The following COL26A1 variants were observed in gnomAD, a reference collection of about 807,000 sequenced individuals.
COL26A1 encodes the protein collagen alpha-1(XXVI) chain.
Under a neutral mutation model 59.3 loss-of-function variants are expected in COL26A1, and 41 were observed. The observed-to-expected ratio is 0.69, with a 90% confidence interval of 0.54 to 0.90. The LOEUF (loss-of-function observed/expected upper bound fraction) is 0.90. COL26A1 is among the 40% of genes least tolerant of loss of function. The pLI, the probability that COL26A1 is intolerant of heterozygous loss-of-function variation, is 0.00. For missense variants in COL26A1, 612 were observed against 602.3 expected, an observed-to-expected ratio of 1.02 and a Z score of -0.17; for synonymous variants, 266 against 256.0, an observed-to-expected ratio of 1.04 and a Z score of -0.37.
chr7:101,536,472 G>A (rs1795485585), intron 4 of COL26A1, among the ~76,000 whole-genome samples: 1 of 152,244 alleles, frequency 6.6e-6, no homozygotes, highest in South Asian at 2.1e-4. Context: ...CACGGAGCTG[G>A]GTTTTCAGCT....
At chr7:101,463,901 C>CTTTCTTTCTTTCTTTCT (rs1156868835) in intron 3 of COL26A1, among the ~76,000 whole-genome samples, 37 of 34,208 alleles carry the variant, frequency 1.1e-3, no homozygotes, top group African/African-American at 4.4e-3. Context: ...TTCTTTCTTT[C>CTTTCTTTCTTTCTTTCT]TTTTTCTTTC....
Position 101,382,180 on chromosome 7 carries a change from C to G in COL26A1, c.158+18990C>G, listed in dbSNP as rs992747981. Among the ~76,000 whole-genome samples, 4 of 152,192 alleles carry G rather than the reference C, an allele frequency of 2.6e-5. No homozygotes were observed. The East Asian group carries it at 7.7e-4, about 29-fold the overall frequency. ...CCTCCTGCCTCAGCCTCTTGAGTGG[C>G]TGGGACTGCAGGTGCATGCTACCAT... On this transcript the variant is annotated intron_variant, in intron 1 of 12. Transcript: ENST00000313669.
At chr7:101,409,483 G>C (rs1792196276) in intron 1 of COL26A1, among the ~76,000 whole-genome samples, 1 of 152,214 alleles carries the variant, frequency 6.6e-6, no homozygotes, top group African/African-American at 2.4e-5. Context: ...CCGAACAGAA[G>C]AATGTACATG....
intron 9 of COL26A1, among the ~76,000 whole-genome samples, chr7:101,550,681 G>C (rs2130679370): frequency 6.6e-6 from 1 of 152,142 alleles, no homozygotes; most frequent in African/African-American, 2.4e-5. Context: ...AGGGGGAGTG[G>C]GCACCTCATG....
chr7:101,471,571 G>GTTTTT (rs71517177), intron 3 of COL26A1, among the ~76,000 whole-genome samples: 5 of 93,014 alleles, frequency 5.4e-5, no homozygotes, highest in East Asian at 2.7e-4. Context: ...GTTGTTGTTT[G>GTTTTT]TTTTTTTTTT....
In COL26A1 at chr7:101,363,386, G is replaced by T. The variant is rs961549125; in HGVS notation, c.158+196G>T. ...CGAGAGCTGGAGGGGGTTGGGGTGC[G>T]GGGCGATTCGGGCCTGGGGGCGCGG... On this transcript the variant is annotated intron_variant, in intron 1 of 12. Coordinates refer to ENST00000313669, the MANE Select transcript of COL26A1 (RefSeq NM_001278563.3). 3.3e-4 allele frequency among the ~76,000 whole-genome samples: 49 copies of T among 148,016 alleles called. 1 individual carries two copies. Among genetic ancestry groups the T allele is most frequent in the African/African-American group, 1.2e-3 (47 of 40,026 alleles).
chr7:101,457,333 A>G (rs1404473640), intron 3 of COL26A1, among the ~76,000 whole-genome samples: 2 of 151,996 alleles, frequency 1.3e-5, no homozygotes, highest in Non-Finnish European at 2.9e-5. Flanking sequence ...CAATGTTATG[A>G]CCTCTGGCCG....
intron 2 of COL26A1, among the ~76,000 whole-genome samples, chr7:101,438,827 C>T (rs966343465): frequency 3.3e-5 from 5 of 151,360 alleles, no homozygotes; most frequent in Non-Finnish European, 4.4e-5. Flanking sequence ...TGCACAACCA[C>T]GCCTGGCTAA....
chr7:101,454,720 T>C (rs1486532318), intron 3 of COL26A1, among the ~76,000 whole-genome samples: 2 of 152,122 alleles, frequency 1.3e-5, no homozygotes, highest in Non-Finnish European at 2.9e-5. Context: ...AGAAAATATG[T>C]GTGTTAGATA....
At chr7:101,496,452 G>A (rs559223161) in intron 3 of COL26A1, among the ~76,000 whole-genome samples, 7 of 152,344 alleles carry the variant, frequency 4.6e-5, no homozygotes, top group Admixed American at 1.3e-4. Flanking sequence ...GGGTTTTGGA[G>A]TGGGCTGAAG....
At chr7:101,475,325 C>T (rs1003675743) in intron 3 of COL26A1, among the ~76,000 whole-genome samples, 1 of 151,702 alleles carries the variant, frequency 6.6e-6, no homozygotes, top group African/African-American at 2.4e-5. Flanking sequence ...GAGGGCACCT[C>T]TGGGGTAAAA....
At chr7:101,419,265 C>G (rs1452969532) in intron 1 of COL26A1, among the ~76,000 whole-genome samples, 1 of 151,860 alleles carries the variant, frequency 6.6e-6, no homozygotes, top group African/African-American at 2.4e-5. Flanking sequence ...TGCCACCACG[C>G]CTGGGCTAAT....
chr7:101,392,012 C>G (rs1223653726), intron 1 of COL26A1, among the ~76,000 whole-genome samples: 5 of 152,148 alleles, frequency 3.3e-5, no homozygotes, highest in African/African-American at 4.8e-5. Flanking sequence ...GCCACAGCAC[C>G]TGGCCTGGAA....
chr7:101,391,463 A>G (rs1217401117), intron 1 of COL26A1, among the ~76,000 whole-genome samples: 2 of 152,212 alleles, frequency 1.3e-5, no homozygotes, highest in Non-Finnish European at 2.9e-5. Context: ...AAATTTCAGA[A>G]GCAAACTAGA....
intron 3 of COL26A1, among the ~76,000 whole-genome samples, chr7:101,487,101 G>A (rs979630992): frequency 6.6e-6 from 1 of 152,196 alleles, no homozygotes; most frequent in Non-Finnish European, 1.5e-5. Flanking sequence ...AGGGCGGGGA[G>A]GAGGGGGCAC....
At chr7:101,556,204 G>T (rs1199239140) in intron 12 of COL26A1, among the ~76,000 whole-genome samples, 1 of 152,216 alleles carries the variant, frequency 6.6e-6, no homozygotes, top group Non-Finnish European at 1.5e-5. Flanking sequence ...CCTGCTCAAA[G>T]ATCTCGGCCT....
At chr7:101,549,119 T>TG in intron 8 of COL26A1, 52 bp from the exon 9 acceptor site, 2 of 1,001,076 alleles carry the variant, frequency 2.0e-6, no homozygotes, top group South Asian at 1.5e-5. Flanking sequence ...GGTGGGAGGC[T>TG]GGGGGCGCCC....
chr7:101,532,211 C>G (rs995031161), intron 3 of COL26A1, among the ~76,000 whole-genome samples: 1 of 152,164 alleles, frequency 6.6e-6, no homozygotes, highest in Non-Finnish European at 1.5e-5. Context: ...GTCAGCATCA[C>G]AAGGCTCCTA....
At chr7:101,372,565 T>C (rs1458681421) in intron 1 of COL26A1, among the ~76,000 whole-genome samples, 4 of 152,114 alleles carry the variant, frequency 2.6e-5, no homozygotes, top group African/African-American at 4.8e-5. Flanking sequence ...GGAGTCAACA[T>C]AGGAGGTGGG....
Sources: allele counts gnomAD v4.1 joint callset (sites outside exome capture counted in the v4.1 genomes callset), GRCh38; gene constraint gnomAD v4.1.1; transcripts MANE v1.5; gene names NCBI Gene and HGNC (gene_info 2026-07-23, HGNC 2026-07-21).